The following PEX6 variants were observed in gnomAD, a reference collection of about 807,000 sequenced individuals.
PEX6 encodes the protein peroxisomal biogenesis factor 6.
Under a neutral mutation model 85.6 loss-of-function variants are expected in PEX6, and 55 were observed. The observed-to-expected ratio is 0.64, with a 90% CI of 0.52 to 0.80. The LOEUF (loss-of-function observed/expected upper bound fraction) is 0.80, where lower values mean the gene tolerates loss of function less well. PEX6 is among the 30% of genes least tolerant of loss of function. The pLI is 0.00. For missense variants in PEX6, 1,099 were observed against 1,260.3 expected (o/e 0.87, Z 1.94); for synonymous variants, 519 against 549.1 (o/e 0.95, Z 0.77).
At chr6:42,977,724 G>A (rs1243899217) in intron 1 of PEX6, among the ~76,000 whole-genome samples, 1 of 113,606 alleles carries the variant, frequency 8.8e-6, no homozygotes, top group Non-Finnish European at 1.6e-5. Context: ...AGCCGAGATC[G>A]CATCACCACA....
Position 42,974,961 on chromosome 6 carries a change from C to T in PEX6, c.960G>A (p.Glu320=), listed in dbSNP as rs936251509. ...SLLPGPPFAR[E]LHIEIVSSPH... ...GAGAAGACACAATTTCGATGTGTAACTCTCTGGCAAATGGAGGCCCAGGCA... is the reference window on the plus strand; with the variant it reads ...GAGAAGACACAATTTCGATGTGTAATTCTCTGGCAAATGGAGGCCCAGGCA... Residue 320 remains glutamate (E), a synonymous_variant, in exon 2 of 17, where the codon GAG becomes GAA. Coordinates refer to ENST00000304611, the MANE Select transcript of PEX6 (RefSeq NM_000287.4). The T allele has an allele frequency of 3.3e-5, 53 of 1,613,808 alleles. No individual in the cohort carries two copies. The highest frequency in any genetic ancestry group is 4.3e-5 in the Non-Finnish European group (51 of 1,179,832).
At chr6:42,977,948 A>G (rs1770373930) in intron 1 of PEX6, among the ~76,000 whole-genome samples, 1 of 148,884 alleles carries the variant, frequency 6.7e-6, no homozygotes, top group Non-Finnish European at 1.5e-5. Context: ...GGTTCAAGCG[A>G]TTCTCCTGCT....
chr6:42,968,476 G>T lies in PEX6; in HGVS notation c.1502C>A (p.Ala501Glu). The T allele has an allele frequency of 6.3e-7, 1 of 1,586,858 alleles. No individual in the cohort carries two copies. Among genetic ancestry groups the T allele is most frequent in the Non-Finnish European group, 8.6e-7 (1 of 1,166,298 alleles). ...TGTCTCCACAGCCCCACTACTTTCT[G>T]CACAGAGGCTGGAGCAGGGCACCTG... is the stretch of plus-strand genomic sequence containing the variant. The part of the protein sequence containing the change: ...LLKVPCSSLC[A>E]ESSGAVETKL... The change falls in exon 7 of 17, where the codon GCA becomes GAA. Residue 501 changes from alanine to glutamate, a missense_variant. By Grantham distance (107) the Ala-to-Glu change is moderately radical. This residue lies in a region of PEX6 where 514 missense variants were observed against 627.0 expected (regional missense o/e 0.82). Coordinates refer to ENST00000304611, the MANE Select transcript of PEX6 (RefSeq NM_000287.4).
intron 6 of PEX6, among the ~76,000 whole-genome samples, 177 bp from the exon 7 acceptor site, chr6:42,968,675 C>A (rs568374270): frequency 1.2e-4 from 18 of 152,302 alleles, no homozygotes; most frequent in African/African-American, 3.9e-4. Flanking sequence ...CCTGGACTGT[C>A]CACCAATATC....
chr6:42,978,215 G>A, intron 1 of PEX6, 54 bp downstream of exon 1: 1 of 1,585,422 alleles, frequency 6.3e-7, no homozygotes, highest in Non-Finnish European at 8.7e-7. Context: ...ACCTAAGACA[G>A]AGAAGAGGGT....
chr6:42,974,802 G>C, intron 2 of PEX6, 73 bp downstream of exon 2: 1 of 1,414,422 alleles, frequency 7.1e-7, no homozygotes, highest in South Asian at 1.2e-5. Flanking sequence ...GGGGTACTTG[G>C]TTCTAAGGCA....
Position 42,970,747 on chromosome 6 carries a change from C to T in PEX6, c.1131-760G>A, listed in dbSNP as rs978857484. On this transcript the variant is annotated intron_variant, in intron 3 of 16. Coordinates refer to ENST00000304611, the MANE Select transcript of PEX6 (RefSeq NM_000287.4). ...TTTTATGTTTTTAAAATTAACCTTT[C>T]TCCTTCCTTTGTGAAGGAAAAAAAG... Among the ~76,000 whole-genome samples the T allele has an allele frequency of 4.6e-5, 7 of 152,172 alleles. No homozygotes were observed. The East Asian group carries it at 1.3e-3, about 29-fold the overall frequency.
chr6:42,974,847 A>G lies in PEX6; in HGVS notation c.1046+28T>C, dbSNP rs115079699. 1.3e-3 allele frequency: 2,086 copies of G among 1,597,832 alleles called. 23 individuals carry two copies. The African/African-American group carries it at 0.02, about 16-fold the overall frequency. ...AGGAATGTAATGAGGGTGAGAAGCT[A>G]TCCTCCTTAAAAGGTTAGGTAGCTA... On this transcript the variant is annotated intron_variant, in intron 2 of 16. Transcript: ENST00000304611.
rs1769870435 is a variant in PEX6 at position 42,967,401 on chromosome 6, C to T, written c.1851G>A (p.Glu617=). The change falls in exon 8 of 17, where the codon GAG becomes GAA. Residue 617 remains glutamate, a synonymous_variant. Transcript: ENST00000304611. ...GCCGTGCTAGCTGTGCCAAGTTCAC[C>T]TCCTGGCCCAGGGGAAGGTGGGCAG... ...ALTAHLPLGQ[E]VNLAQLARRC... 1.2e-6 allele frequency: 2 copies of T among 1,613,398 alleles called. No individual in the cohort carries two copies. Among genetic ancestry groups the T allele is most frequent in the Non-Finnish European group, 1.7e-6 (2 of 1,179,934 alleles).
chr6:42,974,935 G>A lies in PEX6; in HGVS notation c.986C>T (p.Pro329Leu). ...ATAATTTCCATTAGTGCTGTAGTGG[G>A]GAGAAGACACAATTTCGATGTGTAA... ...RELHIEIVSSPHYSTNGNYDG... is the reference protein window; with the variant it reads ...RELHIEIVSSLHYSTNGNYDG... The change falls in exon 2 of 17, where the codon CCC (proline) becomes CTC (leucine). Residue 329 changes from proline to leucine, a missense_variant. Physicochemically the swap from Pro to Leu is moderately conservative, Grantham distance 98. Transcript: ENST00000304611. 1.9e-6 allele frequency: 3 copies of A among 1,613,932 alleles called. No homozygotes were observed. Among genetic ancestry groups the A allele is most frequent in the Non-Finnish European group, 2.5e-6 (3 of 1,179,850 alleles).
rs1230823893 is a variant in PEX6, at chr6:42,965,543, C to T, written c.2471+138G>A. The T allele has an allele frequency of 1.1e-6, 1 of 894,834 alleles. No individual in the cohort carries two copies. Among genetic ancestry groups the T allele is most frequent in the East Asian group, 2.4e-5 (1 of 41,616 alleles). The allele number at this position is 894,834 out of a possible 1,614,324, so 55.4% of individuals were successfully genotyped here. ...AGTGGACCCTGCCCAATTTCATGGC[C>T]CCTTTCAGCTTCCATTATATTATCT... On this transcript the variant is annotated intron_variant, in intron 13 of 16. Coordinates refer to ENST00000304611, the MANE Select transcript of PEX6 (RefSeq NM_000287.4). The surrounding 1 kb of genome is among the most constrained non-coding windows in gnomAD (Gnocchi z 5.0).
At position 42,964,313 on chromosome 6, in the gene PEX6, G is replaced by A; in HGVS notation, c.*22C>T. ...AGGTACCTGCAGCCATGCTGAGCGG[G>A]GTCCCAGACCCTGGGGGGCTCCTAG... On this transcript the variant is annotated 3_prime_UTR_variant, in exon 17 of 17. Transcript: ENST00000304611. This position sits in a 1 kb window ranked among gnomAD's most constrained non-coding sequence, Gnocchi z 4.6. The A allele has an allele frequency of 6.2e-7, 1 of 1,613,064 alleles. No individual in the cohort carries two copies. The highest frequency in any genetic ancestry group is 1.3e-5 in the African/African-American group (1 of 75,056).
intron 5 of PEX6, among the ~76,000 whole-genome samples, chr6:42,969,186 C>A (rs1013404641): frequency 6.6e-6 from 1 of 152,240 alleles, no homozygotes; most frequent in African/African-American, 2.4e-5. Flanking sequence ...GGGCATCCAG[C>A]ATATCCAACA....
chr6:42,965,665 C>T lies in PEX6; in HGVS notation c.2471+16G>A. The T allele has an allele frequency of 6.3e-7, 1 of 1,581,902 alleles. No individual in the cohort carries two copies. Among genetic ancestry groups the T allele is most frequent in the Non-Finnish European group, 8.7e-7 (1 of 1,150,628 alleles). Reference sequence around the variant, plus strand: ...ACCCTGGACCCCTCAGCTTTCATTCCCACTCAGACCCCTACCTGTCCATCA... The same window carrying T: ...ACCCTGGACCCCTCAGCTTTCATTCTCACTCAGACCCCTACCTGTCCATCA... On this transcript the variant is annotated intron_variant, in intron 13 of 16. Transcript: ENST00000304611. This position sits in a 1 kb window ranked among gnomAD's most constrained non-coding sequence, Gnocchi z 5.0.
Position 42,969,673 on chromosome 6 carries a change from C to T in PEX6, c.1362G>A (p.Gln454=), listed in dbSNP as rs1360001006. The change falls in exon 5 of 17, where the codon CAG becomes CAA. Residue 454 remains glutamine (Q), a synonymous_variant. Coordinates refer to ENST00000304611, the MANE Select transcript of PEX6 (RefSeq NM_000287.4). ...ELCAVLKPRL[Q]PGGALLTGTS... ...GGGGTGATGACCTCACTCACCCTGG[C>T]TGGAGGCGAGGCTTCAGGACAGCAC... 2 of 1,612,582 alleles carry T rather than the reference C, an allele frequency of 1.2e-6. No individual in the cohort carries two copies. The highest frequency in any genetic ancestry group is 1.7e-6 in the Non-Finnish European group (2 of 1,180,010).
intron 6 of PEX6, 80 bp downstream of exon 6, chr6:42,968,794 G>T: frequency 1.9e-6 from 2 of 1,049,056 alleles, no homozygotes; most frequent in South Asian, 1.3e-5. Context: ...AGAGGAGGGA[G>T]GGGAGAGGAA....
chr6:42,965,225 T>C lies in PEX6; in HGVS notation c.2588+27A>G, dbSNP rs1769720661. 3 of 1,607,544 alleles carry C rather than the reference T, an allele frequency of 1.9e-6. No homozygotes were observed. The highest frequency in any genetic ancestry group is 2.6e-6 in the Non-Finnish European group (3 of 1,174,162). On this transcript the variant is annotated intron_variant, in intron 14 of 16. Transcript: ENST00000304611. The surrounding 1 kb of genome is among the most constrained non-coding windows in gnomAD (Gnocchi z 5.0). The stretch of plus-strand genomic sequence containing the variant: ...GGGTGAAGGAGGCACAAAATGAGGG[T>C]GGAGATGAGCAGTACAAGGGGCCCA...
intron 2 of PEX6, 84 bp from the exon 3 acceptor site, chr6:42,974,170 A>G (rs556403215): frequency 9.7e-7 from 1 of 1,031,710 alleles, no homozygotes; most frequent in Non-Finnish European, 1.5e-6. Context: ...CCCGACATGC[A>G]GACTACTTCT....
chr6:42,978,227 TAAGA>T lies in PEX6; in HGVS notation c.882+38_882+41del, dbSNP rs752227330. The T allele has an allele frequency of 1.1e-5, 18 of 1,604,182 alleles. No individual in the cohort carries two copies. In the South Asian group the frequency reaches 1.9e-4, roughly 17 times the overall value. Reference sequence around the variant, plus strand: ...TTTACCTAAGACAGAGAAGAGGGTATAAGAAAGAGGAAGCACTCCTGACCCCAGT... The same window carrying T: ...TTTACCTAAGACAGAGAAGAGGGTATAAGAGGAAGCACTCCTGACCCCAGT... On this transcript the variant is annotated intron_variant, in intron 1 of 16. Coordinates refer to ENST00000304611, the MANE Select transcript of PEX6 (RefSeq NM_000287.4).
Sources: allele counts gnomAD v4.1 joint callset (sites outside exome capture counted in the v4.1 genomes callset), GRCh38; gene constraint gnomAD v4.1.1; regional missense constraint gnomAD v4.1.1; non-coding constraint Gnocchi (gnomAD v3.1); transcripts MANE v1.5; gene names NCBI Gene and HGNC (gene_info 2026-07-23, HGNC 2026-07-21).